The following BIRC6 variants were observed in gnomAD, a reference collection of about 807,000 sequenced individuals.
The protein encoded by BIRC6 is baculoviral IAP repeat containing 6.
In BIRC6, 98 loss-of-function variants were observed where a neutral mutation model predicts 503.3. The observed-to-expected ratio is 0.19, with a 90% CI of 0.17 to 0.23. The LOEUF (loss-of-function observed/expected upper bound fraction) is 0.23, where lower values mean the gene tolerates loss of function less well. BIRC6 is among the 10% of genes least tolerant of loss of function. The pLI, the probability that BIRC6 is intolerant of heterozygous loss-of-function variation, is 1.00. For synonymous variants in BIRC6, 2,240 were observed against 2,078.7 expected (o/e 1.08, Z -2.11); for missense variants, 5,360 against 5,806.0 (o/e 0.92, Z 2.50).
intron 57 of BIRC6, among the ~76,000 whole-genome samples, chr2:32,521,146 C>G (rs893593111): frequency 2.0e-5 from 3 of 151,788 alleles, no homozygotes; most frequent in African/African-American, 7.3e-5. Flanking sequence ...TGGATTTATA[C>G]TCTTTAGCCA....
intron 71 of BIRC6, among the ~76,000 whole-genome samples, chr2:32,606,405 T>C (rs1028132605): frequency 3.9e-4 from 59 of 151,648 alleles, no homozygotes; most frequent in African/African-American, 1.3e-3. Context: ...CTGGCCAACA[T>C]GGCAAAACCC....
At chr2:32,489,169 A>G (rs2051374236) in intron 42 of BIRC6, among the ~76,000 whole-genome samples, 1 of 152,146 alleles carries the variant, frequency 6.6e-6, no homozygotes, top group Admixed American at 6.5e-5. Flanking sequence ...GTAAAATAAT[A>G]CAACAGGAAA....
intron 24 of BIRC6, among the ~76,000 whole-genome samples, chr2:32,463,613 A>G (rs1028037407): frequency 2.0e-5 from 3 of 152,170 alleles, no homozygotes; most frequent in African/African-American, 7.2e-5. Flanking sequence ...TTTTTGTGCA[A>G]TCTTGAAGTA....
intron 69 of BIRC6, 59 bp downstream of exon 69, chr2:32,598,027 A>G: frequency 7.3e-7 from 1 of 1,371,100 alleles, no homozygotes; most frequent in Non-Finnish European, 9.9e-7. Context: ...CTAATTACTC[A>G]AATTTTTATA....
At chr2:32,373,159 C>T (rs1412406012) in intron 1 of BIRC6, among the ~76,000 whole-genome samples, 4 of 152,198 alleles carry the variant, frequency 2.6e-5, no homozygotes, top group South Asian at 2.1e-4. Context: ...TTTGCAGACT[C>T]ATTGCAATTT....
intron 45 of BIRC6, among the ~76,000 whole-genome samples, chr2:32,499,190 T>C (rs2052852932): frequency 6.6e-6 from 1 of 152,232 alleles, no homozygotes; most frequent in Non-Finnish European, 1.5e-5. Context: ...AATAGCGTTA[T>C]TTGAGAATGG....
At chr2:32,601,223 T>C (rs751352858) in intron 70 of BIRC6, among the ~76,000 whole-genome samples, 9 of 152,226 alleles carry the variant, frequency 5.9e-5, no homozygotes, top group Non-Finnish European at 1.3e-4. Flanking sequence ...AATTAACGTA[T>C]TTTGCGTTCT....
intron 10 of BIRC6, among the ~76,000 whole-genome samples, chr2:32,419,268 A>T (rs1234152481): frequency 6.6e-6 from 1 of 152,210 alleles, no homozygotes. Flanking sequence ...AGTATATTCA[A>T]ATAACATAAA....
chr2:32,549,729 C>G (rs1197525822), intron 65 of BIRC6, among the ~76,000 whole-genome samples: 1 of 151,916 alleles, frequency 6.6e-6, no homozygotes, highest in African/African-American at 2.4e-5. Context: ...AACTTTTTTT[C>G]CTTTTAATCA....
intron 59 of BIRC6, among the ~76,000 whole-genome samples, chr2:32,526,040 C>T (rs1338488594): frequency 6.6e-6 from 1 of 152,134 alleles, no homozygotes; most frequent in Admixed American, 6.5e-5. Context: ...ATTTATTGAG[C>T]ACCATCCTGT....
chr2:32,463,520 T>G (rs916016381), intron 24 of BIRC6, 139 bp downstream of exon 24: 1 of 785,424 alleles, frequency 1.3e-6, no homozygotes, highest in African/African-American at 1.8e-5. Context: ...AAAATTGAGG[T>G]AAAGTCTTTG....
chr2:32,512,293 T>C (rs547715489), intron 53 of BIRC6, among the ~76,000 whole-genome samples: 3 of 152,294 alleles, frequency 2.0e-5, no homozygotes, highest in African/African-American at 7.2e-5. Context: ...ATAAACAAAA[T>C]GTAAACACAG....
intron 9 of BIRC6, among the ~76,000 whole-genome samples, chr2:32,407,821 T>C (rs2041407492): frequency 6.6e-6 from 1 of 152,158 alleles, no homozygotes; most frequent in Admixed American, 6.5e-5. Flanking sequence ...CTTAAAAATG[T>C]GCAAATGTGT....
At chr2:32,402,293 A>G (rs1292257265) in intron 8 of BIRC6, among the ~76,000 whole-genome samples, 3 of 152,166 alleles carry the variant, frequency 2.0e-5, no homozygotes, top group Non-Finnish European at 4.4e-5. Flanking sequence ...GAACTGGGCT[A>G]GTAAGATTCT....
chr2:32,469,522 G>C lies in BIRC6; in HGVS notation c.6255G>C (p.Leu2085=). 2 of 1,613,864 alleles carry C rather than the reference G, an allele frequency of 1.2e-6. No individual in the cohort carries two copies. The highest frequency in any genetic ancestry group is 1.7e-6 in the Non-Finnish European group (2 of 1,179,820). ...ATACTGGTCTTCTTCTTGTTCAACT[G>C]TGTGGTGGTGAAAGGTGGTGGGGTC... The part of the protein sequence containing the change: ...RLHTGLLLVQ[L]CGGERWWGQF... The change falls in exon 30 of 74, where the codon CTG becomes CTC. Residue 2085 remains leucine, a synonymous_variant. Transcript: ENST00000421745.
intron 55 of BIRC6, 33 bp downstream of exon 55, chr2:32,515,803 T>C (rs1374646318): frequency 2.6e-6 from 4 of 1,541,144 alleles, no homozygotes; most frequent in Admixed American, 3.9e-5. Flanking sequence ...ATTTTAGTTG[T>C]TTTATTACAT....
chr2:32,473,875 T>C (rs1055187237), intron 33 of BIRC6, among the ~76,000 whole-genome samples: 2 of 151,604 alleles, frequency 1.3e-5, no homozygotes, highest in African/African-American at 4.9e-5. Flanking sequence ...CGCCTTAGCT[T>C]TCCGAGTAGC....
At chr2:32,523,336 AG>A (rs1469771215) in intron 57 of BIRC6, 1 of 152,206 alleles carries the variant, frequency 6.6e-6, no homozygotes, top group African/African-American at 2.4e-5. Context: ...TTTTGAAATA[AG>A]GGTAATAAAT....
At chr2:32,543,162 T>A in intron 61 of BIRC6, 79 bp from the exon 62 acceptor site, 1 of 1,360,868 alleles carries the variant, frequency 7.3e-7, no homozygotes, top group Non-Finnish European at 1.0e-6. Context: ...TTTAAAGAGA[T>A]CATTTAAAGT....
Sources: gnomAD v4.1 joint callset for allele counts (sites outside exome capture counted in the v4.1 genomes callset) on GRCh38, gnomAD v4.1.1 for gene constraint, MANE v1.5 for transcripts, NCBI Gene and HGNC (gene_info 2026-07-23, HGNC 2026-07-21) for gene names.